The following APBA2 variants were observed in gnomAD, a reference collection of about 807,000 sequenced individuals.
The protein encoded by APBA2 is amyloid beta precursor protein binding family A member 2, also known as amyloid-beta A4 precursor protein-binding family A member 2.
APBA2 carries 30 observed loss-of-function variants against 75.0 expected under a neutral mutation model. The observed-to-expected ratio is 0.40, with a 90% CI of 0.30 to 0.54. The LOEUF is 0.54. APBA2 is among the 20% of genes least tolerant of loss of function. APBA2 has a pLI of 0.49. For synonymous variants in APBA2, 444 were observed against 409.6 expected (o/e 1.08, Z -1.01); for missense variants, 801 against 1,016.1 (o/e 0.79, Z 2.88).
chr15:28,929,546 C>T (rs979058099), intron 2 of APBA2, among the ~76,000 whole-genome samples: 5 of 152,260 alleles, frequency 3.3e-5, no homozygotes, highest in Middle Eastern at 3.4e-3. Flanking sequence ...GGTGCTGGCG[C>T]CCAGGCTTCC....
chr15:28,909,033 C>A (rs1344886093), intron 1 of APBA2, among the ~76,000 whole-genome samples: 1 of 148,276 alleles, frequency 6.7e-6, no homozygotes, highest in East Asian at 2.0e-4. Context: ...GTTGCCCAGG[C>A]TGGAGTGCAG....
At chr15:29,070,752 G>A (rs11639325) in intron 4 of APBA2, 6,818 of 249,026 alleles carry the variant, frequency 0.027, 150 homozygotes, top group Non-Finnish European at 0.039. Flanking sequence ...CACTGCTCCT[G>A]CTTGGAGTTC....
chr15:29,067,474 C>T (rs1458121217), intron 4 of APBA2, among the ~76,000 whole-genome samples: 1 of 152,060 alleles, frequency 6.6e-6, no homozygotes, highest in Non-Finnish European at 1.5e-5. Context: ...ATAACACAAC[C>T]ACATCCTGAG....
chr15:29,070,902 A>G, intron 4 of APBA2: 1 of 339,282 alleles, frequency 2.9e-6, no homozygotes, highest in Non-Finnish European at 5.8e-6. Context: ...ATTGTCATCT[A>G]ACGGAGTCAT....
chr15:29,072,479 G>T (rs924520219), intron 4 of APBA2, among the ~76,000 whole-genome samples: 2 of 152,196 alleles, frequency 1.3e-5, no homozygotes, highest in African/African-American at 4.8e-5. Flanking sequence ...TTTGCTTGGT[G>T]TTCCTTGGCC....
chr15:28,904,507 G>A (rs1373524963), intron 1 of APBA2, among the ~76,000 whole-genome samples: 1 of 152,216 alleles, frequency 6.6e-6, no homozygotes, highest in Non-Finnish European at 1.5e-5. Context: ...GAATTGCTGG[G>A]CAAAATGTTA....
chr15:28,936,896 A>G (rs1396748890), intron 2 of APBA2, among the ~76,000 whole-genome samples: 1 of 152,172 alleles, frequency 6.6e-6, no homozygotes, highest in East Asian at 1.9e-4. Flanking sequence ...ATCTACCCTC[A>G]TGCAGATGGT....
At chr15:28,961,242 C>T (rs958874729) in intron 2 of APBA2, 1 of 152,212 alleles carries the variant, frequency 6.6e-6, no homozygotes, top group African/African-American at 2.4e-5. Flanking sequence ...ACATGAAAGA[C>T]TATGTGGTGC....
intron 2 of APBA2, among the ~76,000 whole-genome samples, chr15:28,983,567 C>T (rs1226194276): frequency 2.0e-5 from 3 of 152,220 alleles, no homozygotes; most frequent in Non-Finnish European, 4.4e-5. Context: ...CATGCTGAAG[C>T]TCCCAAGGCA....
chr15:28,886,581 A>G (rs1381810053), intron 1 of APBA2, among the ~76,000 whole-genome samples: 1 of 151,474 alleles, frequency 6.6e-6, no homozygotes, highest in Non-Finnish European at 1.5e-5. Flanking sequence ...GCAAGGGGCC[A>G]CCCGGCGCGG....
At chr15:28,929,127 TC>T (rs1281766715) in intron 2 of APBA2, among the ~76,000 whole-genome samples, 1 of 152,166 alleles carries the variant, frequency 6.6e-6, no homozygotes, top group Admixed American at 6.5e-5. Flanking sequence ...CTCCAATCCT[TC>T]CCCTGCTTTG....
intron 10 of APBA2, chr15:29,102,111 A>G: frequency 2.1e-6 from 1 of 470,714 alleles, no homozygotes; most frequent in Non-Finnish European, 3.9e-6. Context: ...TTTTGTTATT[A>G]AAATGCAAAT....
rs560830254 is a variant in APBA2, at chr15:28,978,268, C to T, written c.-94-17485C>T. On this transcript the variant is annotated intron_variant, in intron 2 of 14. Coordinates refer to ENST00000683413, the MANE Select transcript of APBA2 (RefSeq NM_001353788.2). ...ATGTTGCAGTGCAGAAGCCATAAGC[C>T]GCATGATCCGTGAGCCTGGCCCTGC... is the stretch of plus-strand genomic sequence containing the variant. 3.9e-5 allele frequency among the ~76,000 whole-genome samples: 6 copies of T among 152,318 alleles called. No homozygotes were observed. In the South Asian group the frequency reaches 1.2e-3, roughly 32 times the overall value.
intron 2 of APBA2, among the ~76,000 whole-genome samples, chr15:28,944,821 G>A (rs1045468981): frequency 6.6e-6 from 1 of 152,240 alleles, no homozygotes; most frequent in African/African-American, 2.4e-5. Context: ...ATGAAGCCCT[G>A]CAGAAAGGTC....
chr15:28,967,516 G>T (rs1464890756), intron 2 of APBA2, among the ~76,000 whole-genome samples: 4 of 152,108 alleles, frequency 2.6e-5, no homozygotes, highest in African/African-American at 9.7e-5. Flanking sequence ...TTGGCCCACT[G>T]CAAGCTCCGC....
intron 2 of APBA2, among the ~76,000 whole-genome samples, chr15:28,941,171 G>T (rs1218883324): frequency 1.3e-5 from 2 of 152,196 alleles, no homozygotes; most frequent in Non-Finnish European, 2.9e-5. Flanking sequence ...GCACTACTGG[G>T]TGAGCAGGTG....
chr15:28,946,827 C>T (rs1287848138), intron 2 of APBA2, among the ~76,000 whole-genome samples: 1 of 152,342 alleles, frequency 6.6e-6, no homozygotes, highest in Non-Finnish European at 1.5e-5. Flanking sequence ...GATCCACCTG[C>T]CTCAGCCTCG....
intron 1 of APBA2, among the ~76,000 whole-genome samples, chr15:28,905,218 C>T (rs1488240917): frequency 6.6e-6 from 1 of 152,162 alleles, no homozygotes; most frequent in Non-Finnish European, 1.5e-5. Context: ...GATCTTTGTC[C>T]TCCTTTTGCA....
intron 4 of APBA2, among the ~76,000 whole-genome samples, chr15:29,069,933 A>C (rs377735786): frequency 2.0e-5 from 3 of 152,240 alleles, no homozygotes; most frequent in Non-Finnish European, 2.9e-5. Context: ...GTGAAGAGAC[A>C]GTGAACAATG....
Sources: allele counts gnomAD v4.1 joint callset (sites outside exome capture counted in the v4.1 genomes callset), GRCh38; gene constraint gnomAD v4.1.1; transcripts MANE v1.5; gene names NCBI Gene and HGNC (gene_info 2026-07-23, HGNC 2026-07-21).